CNR2: variants seen among roughly 807,000 people sequenced by gnomAD.
CNR2 encodes the protein cannabinoid receptor 2.
For synonymous variants in CNR2, 172 were observed against 182.2 expected (o/e 0.94, Z 0.45); for missense variants, 379 against 439.9 (o/e 0.86, Z 1.24).
chr1:23,910,408 C>T (rs1171540310), intron 1 of CNR2, among the ~76,000 whole-genome samples: 1 of 151,374 alleles, frequency 6.6e-6, no homozygotes, highest in Non-Finnish European at 1.5e-5. Context: ...CATCAATCTT[C>T]GCTTAAGAAA....
At chr1:23,880,958 T>C (rs1005873651) in intron 1 of CNR2, among the ~76,000 whole-genome samples, 1 of 150,946 alleles carries the variant, frequency 6.6e-6, no homozygotes, top group Non-Finnish European at 1.5e-5. Context: ...AATTGTATTC[T>C]GACCACATAA....
chr1:23,907,146 G>C (rs1429912717), intron 1 of CNR2: 1 of 152,014 alleles, frequency 6.6e-6, no homozygotes, highest in Non-Finnish European at 1.5e-5. Flanking sequence ...TGTAATCCCA[G>C]CACTTTAGGA....
Position 23,913,299 on chromosome 1 carries a change from A to C in CNR2, c.-99T>G, listed in dbSNP as rs1430070078. 1 of 152,962 alleles carries C rather than the reference A, an allele frequency of 6.5e-6. No individual in the cohort carries two copies. Among genetic ancestry groups the C allele is most frequent in the African/African-American group, 2.4e-5 (1 of 41,458 alleles). The allele number at this position is 152,962 out of a possible 1,614,324, so 9.5% of individuals were successfully genotyped here. ...GAGCTGCCGGGGGCTGAGGAGTCCC[A>C]GTTGTTTTCTGTCCTCTCCCAGGAC... On this transcript the variant is annotated 5_prime_UTR_variant, in exon 1 of 2. Transcript: ENST00000374472.
chr1:23,897,037 C>T (rs1157347203), intron 1 of CNR2, among the ~76,000 whole-genome samples: 1 of 152,056 alleles, frequency 6.6e-6, no homozygotes, highest in Non-Finnish European at 1.5e-5. Context: ...AGGTGCCTGC[C>T]ACCATTTTTC....
At chr1:23,882,735 G>A (rs1054258089) in intron 1 of CNR2, among the ~76,000 whole-genome samples, 19 of 151,582 alleles carry the variant, frequency 1.3e-4, no homozygotes, top group Admixed American at 3.3e-4. Flanking sequence ...CAGGAGAATC[G>A]CTTGAACCTG....
chr1:23,902,799 G>C, intron 1 of CNR2: 4 of 1,423,876 alleles, frequency 2.8e-6, no homozygotes. Context: ...GCGGGCGCGG[G>C]CGCGGGGGCG....
intron 1 of CNR2, among the ~76,000 whole-genome samples, chr1:23,890,258 C>CAAAAA (rs35692845): frequency 4.0e-5 from 3 of 74,090 alleles, no homozygotes; most frequent in Non-Finnish European, 5.3e-5. Context: ...GACCTTGTCT[C>CAAAAA]AAAAAAAAAA....
chr1:23,880,333 A>G (rs570004237), intron 1 of CNR2, among the ~76,000 whole-genome samples: 9 of 152,036 alleles, frequency 5.9e-5, no homozygotes, highest in African/African-American at 2.2e-4. Flanking sequence ...GCATACTACC[A>G]TGCCCGGCTA....
At chr1:23,912,762 T>G (rs2148473679) in intron 1 of CNR2, among the ~76,000 whole-genome samples, 1 of 152,288 alleles carries the variant, frequency 6.6e-6, no homozygotes, top group South Asian at 2.1e-4. Flanking sequence ...GCCCTGAACT[T>G]TCCTGCGACT....
chr1:23,896,225 G>C (rs1050066632), intron 1 of CNR2, among the ~76,000 whole-genome samples: 1 of 152,088 alleles, frequency 6.6e-6, no homozygotes, highest in Non-Finnish European at 1.5e-5. Context: ...CCTTCTCACC[G>C]ACAAGGATTT....
At chr1:23,892,890 C>T (rs1398382311) in intron 1 of CNR2, among the ~76,000 whole-genome samples, 5 of 151,694 alleles carry the variant, frequency 3.3e-5, no homozygotes, top group African/African-American at 1.2e-4. Context: ...GTGGTGGGTG[C>T]CTGTAATCCC....
At position 23,894,255 on chromosome 1, in the gene CNR2, T is replaced by C. The variant is rs949575899; in HGVS notation, c.-45-18593A>G. Among the ~76,000 whole-genome samples the C allele has an allele frequency of 2.0e-5, 3 of 151,756 alleles. No individual in the cohort carries two copies. The South Asian group carries it at 6.3e-4, about 32-fold the overall frequency. ...GACCAACATGGTGAAACTTCATCTC[T>C]ACAGTAAAAAATACAAAAGTAACTG... On this transcript the variant is annotated intron_variant, in intron 1 of 1. Coordinates refer to ENST00000374472, the MANE Select transcript of CNR2 (RefSeq NM_001841.3).
chr1:23,877,397 A>G (rs1473966465), intron 1 of CNR2, among the ~76,000 whole-genome samples: 1 of 152,088 alleles, frequency 6.6e-6, no homozygotes, highest in Admixed American at 6.6e-5. Context: ...GCACTTTGGG[A>G]GGTCAAGGTG....
chr1:23,881,587 A>G (rs1639989253), intron 1 of CNR2, among the ~76,000 whole-genome samples: 1 of 148,146 alleles, frequency 6.8e-6, no homozygotes, highest in African/African-American at 2.5e-5. Flanking sequence ...CTGTCTCAAA[A>G]AAAGAAAAAA....
intron 1 of CNR2, among the ~76,000 whole-genome samples, chr1:23,880,736 T>A (rs933730923): frequency 7.9e-5 from 12 of 151,512 alleles, no homozygotes; most frequent in African/African-American, 2.2e-4. Flanking sequence ...TGGCTTTTTT[T>A]AATATATATA....
At chr1:23,899,068 G>T (rs1341233938) in intron 1 of CNR2, among the ~76,000 whole-genome samples, 1 of 152,156 alleles carries the variant, frequency 6.6e-6, no homozygotes, top group Non-Finnish European at 1.5e-5. Flanking sequence ...ATTGCTAAAA[G>T]AGTAGATTTT....
At chr1:23,903,367 G>C (rs1299615653) in intron 1 of CNR2, among the ~76,000 whole-genome samples, 2 of 152,038 alleles carry the variant, frequency 1.3e-5, no homozygotes, top group Admixed American at 6.6e-5. Flanking sequence ...TTGGGCCCAG[G>C]AGTTCAAGAC....
chr1:23,898,004 T>C (rs972853339), intron 1 of CNR2, among the ~76,000 whole-genome samples: 32 of 152,034 alleles, frequency 2.1e-4, no homozygotes, highest in African/African-American at 7.5e-4. Context: ...TTCAAATCCA[T>C]ACTATATATT....
intron 1 of CNR2, among the ~76,000 whole-genome samples, chr1:23,882,385 C>T (rs7541819): frequency 0.73 from 110,199 of 151,748 alleles, 40,771 homozygotes; most frequent in Middle Eastern, 0.79. Context: ...CACTTTTGAA[C>T]AATTCCTGGG....
Sources: allele counts gnomAD v4.1 joint callset (sites outside exome capture counted in the v4.1 genomes callset), GRCh38; gene constraint gnomAD v4.1.1; transcripts MANE v1.5; gene names NCBI Gene and HGNC (gene_info 2026-07-23, HGNC 2026-07-21).